KIAA1210: variants seen among roughly 807,000 people sequenced by gnomAD.
The protein encoded by KIAA1210 is acrosomal protein KIAA1210.
In KIAA1210, 48 loss-of-function variants were observed where a neutral mutation model predicts 78.9. The observed-to-expected ratio is 0.61, with a 90% CI of 0.48 to 0.77. KIAA1210 has a LOEUF of 0.77. Ranked by LOEUF, KIAA1210 falls within the 30% of genes least tolerant of loss-of-function variation. KIAA1210 has a pLI of 0.00. For synonymous variants in KIAA1210, 406 were observed against 404.5 expected (o/e 1.00, Z -0.04); for missense variants, 1,108 against 1,100.0 (o/e 1.01, Z -0.10).
At chrX:119,106,890 T>A (rs146727998) in intron 5 of KIAA1210, among the ~76,000 whole-genome samples, 1 of 112,390 alleles carries the variant, frequency 8.9e-6, no homozygotes, top group African/African-American at 3.2e-5. Context: ...TTGTTCTGAA[T>A]GTCACTTAAT....
At chrX:119,116,730 A>G in intron 2 of KIAA1210, 66 bp from the exon 3 acceptor site, 1 of 1,012,522 alleles carries the variant, frequency 9.9e-7, no homozygotes, top group South Asian at 2.3e-5. Flanking sequence ...GAGGAAAAAG[A>G]GCCTTCATGA....
At chrX:119,102,526 A>G (rs753669669) in intron 6 of KIAA1210, among the ~76,000 whole-genome samples, 4 of 109,508 alleles carry the variant, frequency 3.7e-5, no homozygotes, top group African/African-American at 1.3e-4. Flanking sequence ...CTACAGGCAT[A>G]TGCAGCAGAA....
intron 2 of KIAA1210, among the ~76,000 whole-genome samples, chrX:119,139,337 A>T (rs1928994264): frequency 8.9e-6 from 1 of 111,828 alleles, no homozygotes. Flanking sequence ...GCAGCTAGAG[A>T]GTGGATTAAT....
At chrX:119,116,799 T>C (rs1928282847) in intron 2 of KIAA1210, 135 bp from the exon 3 acceptor site, 3 of 495,166 alleles carry the variant, frequency 6.1e-6, no homozygotes, top group Non-Finnish European at 3.3e-6. Flanking sequence ...TCAACCCCAA[T>C]GCTGACAGCA....
intron 10 of KIAA1210, among the ~76,000 whole-genome samples, chrX:119,084,427 A>G (rs190745301): frequency 2.5e-4 from 28 of 112,451 alleles, no homozygotes; most frequent in Non-Finnish European, 3.7e-4. Flanking sequence ...GCCCAGAAAT[A>G]AAATGTTAAA....
chrX:119,133,127 G>A (rs1324583419), intron 2 of KIAA1210, among the ~76,000 whole-genome samples: 2 of 111,330 alleles, frequency 1.8e-5, no homozygotes, highest in Non-Finnish European at 3.8e-5. Flanking sequence ...CACCCAAAAT[G>A]AAAGTATCAG....
chrX:119,147,003 G>A (rs1198204281), intron 2 of KIAA1210, among the ~76,000 whole-genome samples: 1 of 111,755 alleles, frequency 8.9e-6, no homozygotes, highest in East Asian at 2.8e-4. Flanking sequence ...TGGAAGTTGG[G>A]TCTGATCTGG....
At chrX:119,130,992 A>G (rs1324711336), upstream of KIAA1210, among the ~76,000 whole-genome samples, 2 of 111,480 alleles carry the variant, frequency 1.8e-5, no homozygotes, top group African/African-American at 3.3e-5. Flanking sequence ...AAAAAAGGGG[A>G]AAAGGCCCTT....
intron 2 of KIAA1210, among the ~76,000 whole-genome samples, chrX:119,138,572 G>A (rs1038511329): frequency 1.1e-4 from 12 of 111,805 alleles, no homozygotes; most frequent in African/African-American, 3.6e-4. Flanking sequence ...TTTGCTGACA[G>A]CTTGAGCACT....
chrX:119,120,554 T>C (rs1180806494), intron 2 of KIAA1210, among the ~76,000 whole-genome samples: 2 of 112,075 alleles, frequency 1.8e-5, no homozygotes, highest in Non-Finnish European at 1.9e-5. Flanking sequence ...AGCAGAAAAA[T>C]TGTACATTAA....
At position 119,109,212 on chromosome X, in the gene KIAA1210, A is replaced by G. The variant is rs373973197; in HGVS notation, c.231-10T>C. ...CATGCTGCTCTTGGCCCTGGACAGA[A>G]AGGAAAGGTCTTGTAAAAGCAACCC... On this transcript the variant is annotated splice_polypyrimidine_tract_variant and intron_variant, in intron 3 of 11. Coordinates refer to ENST00000691062, the MANE Select transcript of KIAA1210 (RefSeq NM_001394962.1). The G allele has an allele frequency of 8.4e-7, 1 of 1,188,660 alleles. No individual in the cohort carries two copies. Among genetic ancestry groups the G allele is most frequent in the Non-Finnish European group, 1.1e-6 (1 of 884,135 alleles).
chrX:119,114,616 A>G (rs1458957912), intron 3 of KIAA1210, among the ~76,000 whole-genome samples: 1 of 112,247 alleles, frequency 8.9e-6, no homozygotes, highest in Non-Finnish European at 1.9e-5. Flanking sequence ...ATCTGTGACT[A>G]CCTTGCCTCC....
At chrX:119,150,631 A>G, upstream of KIAA1210, 1 of 1,137,968 alleles carries the variant, frequency 8.8e-7, no homozygotes, top group Non-Finnish European at 1.2e-6. Context: ...GCCGAGTCCC[A>G]GAAGCTGGGT....
At chrX:119,094,482 C>G in intron 7 of KIAA1210, among the ~76,000 whole-genome samples, 1 of 112,339 alleles carries the variant, frequency 8.9e-6, no homozygotes, top group Non-Finnish European at 1.9e-5. Context: ...TCTTTACACT[C>G]CCACTCAAAG....
chrX:119,137,267 G>A (rs1163459540), intron 2 of KIAA1210, among the ~76,000 whole-genome samples: 6 of 112,201 alleles, frequency 5.3e-5, no homozygotes, highest in Non-Finnish European at 1.1e-4. Context: ...CTGCCCAGGG[G>A]CACATGACAA....
intron 2 of KIAA1210, among the ~76,000 whole-genome samples, chrX:119,116,892 GGCCACAGCT>G: frequency 8.9e-6 from 1 of 111,864 alleles, no homozygotes; most frequent in East Asian, 2.8e-4. Flanking sequence ...CAGAAGCCCA[GGCCACAGCT>G]TGTCATCTCT....
intron 6 of KIAA1210, among the ~76,000 whole-genome samples, chrX:119,104,786 C>A (rs1927837057): frequency 8.9e-6 from 1 of 111,806 alleles, no homozygotes; most frequent in African/African-American, 3.2e-5. Flanking sequence ...AAAATACTAT[C>A]TTCCCTTGCT....
intron 7 of KIAA1210, among the ~76,000 whole-genome samples, chrX:119,095,379 A>T (rs1197238767): frequency 8.9e-6 from 1 of 111,849 alleles, no homozygotes. Context: ...TTTAAACACT[A>T]AACACTAACA....
At chrX:119,117,060 T>C (rs1426538696) in intron 2 of KIAA1210, among the ~76,000 whole-genome samples, 1 of 112,453 alleles carries the variant, frequency 8.9e-6, no homozygotes, top group Non-Finnish European at 1.9e-5. Flanking sequence ...CTCCCCTGAC[T>C]CTACCCCAGT....
Sources: gnomAD v4.1 joint callset for allele counts (sites outside exome capture counted in the v4.1 genomes callset) on GRCh38, gnomAD v4.1.1 for gene constraint, MANE v1.5 for transcripts, NCBI Gene and HGNC (gene_info 2026-07-23, HGNC 2026-07-21) for gene names.